The following MTA1 variants were observed in gnomAD, a reference collection of about 807,000 sequenced individuals.
MTA1 encodes the protein metastasis associated 1, also known as metastasis-associated protein MTA1.
Under a neutral mutation model 97.0 loss-of-function variants are expected in MTA1, and 15 were observed. The observed-to-expected ratio is 0.15, with a 90% CI of 0.10 to 0.24. The LOEUF (loss-of-function observed/expected upper bound fraction) is 0.24, where lower values mean the gene tolerates loss of function less well. MTA1 is among the 10% of genes least tolerant of loss of function. The probability of loss-of-function intolerance (pLI) is 1.00; values close to 1 mark genes in which losing one functional copy is unlikely to be tolerated. For synonymous variants in MTA1, 435 were observed against 417.5 expected (o/e 1.04, Z -0.51); for missense variants, 709 against 1,015.1 (o/e 0.70, Z 4.10).
chr14:105,436,611 G>A (rs1357496288), intron 1 of MTA1, among the ~76,000 whole-genome samples: 1 of 152,108 alleles, frequency 6.6e-6, no homozygotes, highest in Non-Finnish European at 1.5e-5. Context: ...GGGCCTTCCG[G>A]TGCTGCAGAC....
intron 1 of MTA1, among the ~76,000 whole-genome samples, chr14:105,423,390 C>G (rs1041495078): frequency 6.6e-6 from 1 of 151,840 alleles, no homozygotes; most frequent in Admixed American, 6.6e-5. Flanking sequence ...TTAAGTTTTA[C>G]ATTTTTAGTA....
intron 2 of MTA1, among the ~76,000 whole-genome samples, chr14:105,442,920 G>A (rs1555426155): frequency 5.9e-5 from 9 of 152,238 alleles, no homozygotes; most frequent in Non-Finnish European, 2.9e-5. Flanking sequence ...GTGGCAATGG[G>A]AGGCCTGGCC....
Position 105,466,597 on chromosome 14 carries a change from C to T in MTA1, c.1777+19C>T, listed in dbSNP as rs371971371. 3.7e-4 allele frequency: 587 copies of T among 1,566,538 alleles called. 12 individuals are homozygous for T. The highest frequency in any genetic ancestry group is 3.4e-3 in the East Asian group (144 of 42,464). ...GTGGACGGTGAGTGGCCCCCCCGCC[C>T]GGTGAGTGTGGCCCTCCCCGCCCGG... On this transcript the variant is annotated intron_variant, in intron 17 of 20. Transcript: ENST00000331320.
At chr14:105,468,421 G>A in intron 18 of MTA1, 1 of 1,263,746 alleles carries the variant, frequency 7.9e-7, no homozygotes, top group Non-Finnish European at 1.0e-6. Flanking sequence ...CCTGAGGTAT[G>A]GCTGTTCCTG....
chr14:105,425,025 G>A (rs1555421911), intron 1 of MTA1, among the ~76,000 whole-genome samples: 1 of 152,206 alleles, frequency 6.6e-6, no homozygotes, highest in African/African-American at 2.4e-5. Context: ...GCATCTGGAC[G>A]CTGGTCAGCA....
At chr14:105,453,076 G>A (rs1346703372) in intron 6 of MTA1, among the ~76,000 whole-genome samples, 8 of 152,264 alleles carry the variant, frequency 5.3e-5, no homozygotes, top group Non-Finnish European at 1.0e-4. Flanking sequence ...CCCAGTGCAG[G>A]ACACACAATG....
Position 105,454,250 on chromosome 14 carries a change from A to G in MTA1, c.490A>G (p.Lys164Glu). 6.2e-7 allele frequency: 1 copy of G among 1,613,748 alleles called. No homozygotes were observed. ...ACAGCAGAAGACCCTGCTGGCAGAT[A>G]AAGGAGAGATTCGAGTAGGAAACCG... ...DPQQKTLLAD[K>E]GEIRVGNRYQ... is the part of the protein sequence containing the mutation. Residue 164 changes from lysine to glutamate, a missense_variant, in exon 7 of 21, where the codon AAA (lysine) becomes GAA (glutamate). Physicochemically the swap from Lys to Glu is moderately conservative, Grantham distance 56. Coordinates refer to ENST00000331320, the MANE Select transcript of MTA1 (RefSeq NM_004689.4).
At chr14:105,458,899 CGCA>C (rs1477585689) in intron 8 of MTA1, among the ~76,000 whole-genome samples, 5 of 152,344 alleles carry the variant, frequency 3.3e-5, no homozygotes, top group African/African-American at 1.2e-4. Context: ...GGCCCTACTC[CGCA>C]GCCTGGGGCC....
At position 105,460,231 on chromosome 14, in the gene MTA1, G is replaced by C; in HGVS notation, c.654-127G>C. On this transcript the variant is annotated intron_variant, in intron 8 of 20. Coordinates refer to ENST00000331320, the MANE Select transcript of MTA1 (RefSeq NM_004689.4). ...CATGGCCCCTGGTCCCTGGCACCTG[G>C]GGAGTGGTGTGCCTTGGGGGAGTCC... 4.1e-6 allele frequency: 3 copies of C among 740,696 alleles called. No homozygotes were observed. The South Asian group carries it at 5.8e-5, about 14-fold the overall frequency. 45.9% of individuals were successfully genotyped at this position (740,696 alleles called of 1,614,324 possible). A position where few individuals can be genotyped will look rare whatever the true frequency, so the allele number is the denominator to read the frequency against.
In MTA1 at chr14:105,420,156, C is replaced by T. The variant is rs1555420490; in HGVS notation, c.28+93C>T. 5 of 600,788 alleles carry T rather than the reference C, an allele frequency of 8.3e-6. No individual in the cohort carries two copies. The highest frequency in any genetic ancestry group is 1.0e-5 in the Non-Finnish European group (5 of 477,086). 37.2% of individuals were successfully genotyped at this position (600,788 alleles called of 1,614,324 possible). On this transcript the variant is annotated intron_variant, in intron 1 of 20. Coordinates refer to ENST00000331320, the MANE Select transcript of MTA1 (RefSeq NM_004689.4). This position sits in a 1 kb window ranked among gnomAD's most constrained non-coding sequence, Gnocchi z 5.3. ...CTCCCCCGCCCCTCTGCCCCGCAGG[C>T]CCCGCGCCCCCCGCCCGCCCTCGCG...
chr14:105,445,326 G>A, intron 2 of MTA1, 92 bp from the exon 3 acceptor site: 1 of 1,183,510 alleles, frequency 8.4e-7, no homozygotes, highest in Non-Finnish European at 1.2e-6. Context: ...TGCAGTCCCT[G>A]GACGGCAGGG....
chr14:105,469,567 G>T (rs2083745081), intron 19 of MTA1, 69 bp downstream of exon 19: 1 of 1,560,102 alleles, frequency 6.4e-7, no homozygotes, highest in Non-Finnish European at 8.8e-7. Context: ...TTGGGAAGAG[G>T]CCTGGCCAGC....
rs782346228 is a variant in MTA1, at chr14:105,470,256, C to T, written c.*41C>T. 1.4e-5 allele frequency: 20 copies of T among 1,400,012 alleles called. No homozygotes were observed. Among genetic ancestry groups the T allele is most frequent in the Admixed American group, 6.4e-5 (2 of 31,432 alleles). 86.7% of individuals were successfully genotyped at this position (1,400,012 alleles called of 1,614,324 possible). ...GCGGCCGCCCCCCGCCCCTCGCCCGCCCACACGGCCCCTTCCCAGCCAGCC... is the reference window on the plus strand; with the variant it reads ...GCGGCCGCCCCCCGCCCCTCGCCCGTCCACACGGCCCCTTCCCAGCCAGCC... On this transcript the variant is annotated 3_prime_UTR_variant, in exon 21 of 21. Transcript: ENST00000331320.
chr14:105,468,880 C>T (rs1555433543), intron 18 of MTA1: 4 of 278,004 alleles, frequency 1.4e-5, no homozygotes, highest in Non-Finnish European at 2.2e-5. Context: ...GCTTCTTGGC[C>T]CAACTCCCGC....
At position 105,470,068 on chromosome 14, in the gene MTA1, G is replaced by A; in HGVS notation, c.2001G>A (p.Lys667=). 5.6e-6 allele frequency: 9 copies of A among 1,612,652 alleles called. No individual in the cohort carries two copies. The highest frequency in any genetic ancestry group is 7.6e-6 in the Non-Finnish European group (9 of 1,179,882). The part of the protein sequence containing the change: ...VFYMATEETR[K]IRKLLSSSET... ...TCACCACCACCTCTGCCCACAGGAA[G>A]ATCCGCAAGCTGCTCTCATCCTCGG... Residue 667 remains lysine (K), a synonymous_variant, in exon 21 of 21, where the codon AAG becomes AAA. Coordinates refer to ENST00000331320, the MANE Select transcript of MTA1 (RefSeq NM_004689.4).
chr14:105,466,630 G>C (rs587775465), intron 17 of MTA1, 52 bp downstream of exon 17: 7 of 1,576,786 alleles, frequency 4.4e-6, no homozygotes, highest in Middle Eastern at 3.4e-4. Context: ...CGGTGAGTCC[G>C]GCCCGTCCCC....
intron 19 of MTA1, 63 bp from the exon 20 acceptor site, chr14:105,469,778 C>A: frequency 6.4e-7 from 1 of 1,557,828 alleles, no homozygotes; most frequent in Non-Finnish European, 8.7e-7. Flanking sequence ...CCAGCGGGAG[C>A]CCTGCAGGTT....
chr14:105,469,173 A>G, intron 18 of MTA1: 1 of 620,580 alleles, frequency 1.6e-6, no homozygotes, highest in Non-Finnish European at 3.0e-6. Context: ...AAGTGGGTGG[A>G]CAGCCCCGGC....
chr14:105,463,574 C>G lies in MTA1; in HGVS notation c.1076+23C>G, dbSNP rs199738155. On this transcript the variant is annotated intron_variant, in intron 12 of 20. Coordinates refer to ENST00000331320, the MANE Select transcript of MTA1 (RefSeq NM_004689.4). The surrounding 1 kb of genome is among the most constrained non-coding windows in gnomAD (Gnocchi z 5.9). ...CTAGTAAGTGTGCCCTCACAGCCGT[C>G]GTCCTCGTGGCCCCGGGGGCCAGGG... 1.9e-5 allele frequency: 31 copies of G among 1,611,918 alleles called. No individual in the cohort carries two copies. In the Admixed American group the frequency reaches 5.0e-4, roughly 26 times the overall value.
Sources: allele counts gnomAD v4.1 joint callset (sites outside exome capture counted in the v4.1 genomes callset), GRCh38; gene constraint gnomAD v4.1.1; non-coding constraint Gnocchi (gnomAD v3.1); transcripts MANE v1.5; gene names NCBI Gene and HGNC (gene_info 2026-07-23, HGNC 2026-07-21).